UGT1A8: variants seen among roughly 807,000 people sequenced by gnomAD.
UGT1A8 encodes UDP glucuronosyltransferase family 1 member A8.
A neutral mutation model predicts 45.3 loss-of-function variants in UGT1A8; 39 were observed. That is an observed-to-expected ratio of 0.86 (90% CI 0.67 to 1.12). UGT1A8 has a LOEUF of 1.12. Among genes scored for constraint, UGT1A8 ranks in the 50% most tolerant of loss-of-function variants. The pLI is 0.00. For missense variants in UGT1A8, 719 were observed against 664.9 expected (o/e 1.08, Z -0.90); for synonymous variants, 275 against 249.2 (o/e 1.10, Z -0.97).
chr2:233,665,787 A>G (rs2074064931), intron 1 of UGT1A8, among the ~76,000 whole-genome samples: 1 of 152,208 alleles, frequency 6.6e-6, no homozygotes, highest in Non-Finnish European at 1.5e-5. Context: ...TTTTATTCTT[A>G]TGGATAAATA....
In UGT1A8 at chr2:233,685,327, C is replaced by A. The variant is rs189214969; in HGVS notation, c.855+66765C>A. Among the ~76,000 whole-genome samples the A allele has an allele frequency of 2.2e-3, 337 of 152,132 alleles. 1 individual carries two copies. The highest frequency in any genetic ancestry group is 7.9e-3 in the African/African-American group (328 of 41,508). On this transcript the variant is annotated intron_variant, in intron 1 of 4. Transcript: ENST00000373450. ...AGATTACAGGTGTGAACCACCACAC[C>A]CGGACTTAAAGTGGTTTTAATGAGA...
chr2:233,672,390 C>A (rs1268566832), intron 1 of UGT1A8: 2 of 1,614,076 alleles, frequency 1.2e-6, no homozygotes, highest in Admixed American at 3.3e-5. Context: ...CTTTTGATAA[C>A]TGTGGCTTAA....
chr2:233,672,353 G>A (rs1360230254), intron 1 of UGT1A8: 5 of 1,614,016 alleles, frequency 3.1e-6, no homozygotes, highest in South Asian at 1.1e-5. Flanking sequence ...TTAAAGGAGA[G>A]TTCTTTTGAT....
chr2:233,672,977 GA>G, intron 1 of UGT1A8, among the ~76,000 whole-genome samples: 1 of 152,202 alleles, frequency 6.6e-6, no homozygotes, highest in Non-Finnish European at 1.5e-5. Flanking sequence ...CCTTCTTGAA[GA>G]TATGTATTTA....
chr2:233,622,731 T>C (rs2125449220), intron 1 of UGT1A8, among the ~76,000 whole-genome samples: 1 of 152,352 alleles, frequency 6.6e-6, no homozygotes, highest in South Asian at 2.1e-4. Flanking sequence ...TTTGGTTTAA[T>C]TAGATCCCAT....
chr2:233,694,725 T>C (rs1230570334), intron 1 of UGT1A8, among the ~76,000 whole-genome samples: 2 of 152,186 alleles, frequency 1.3e-5, no homozygotes, highest in African/African-American at 4.8e-5. Context: ...GATTTCTCTG[T>C]TAACAATTTG....
intron 1 of UGT1A8, chr2:233,682,105 C>G (rs7577789): frequency 6.2e-7 from 1 of 1,613,960 alleles, no homozygotes; most frequent in Non-Finnish European, 8.5e-7. Flanking sequence ...ATGAGGTGGT[C>G]GTAGTCATGC....
chr2:233,749,412 T>C lies in UGT1A8; in HGVS notation c.856-17622T>C, dbSNP rs1409999979. 3.9e-5 allele frequency among the ~76,000 whole-genome samples: 6 copies of C among 151,952 alleles called. No individual in the cohort carries two copies. The East Asian group carries it at 1.2e-3, about 29-fold the overall frequency. On this transcript the variant is annotated intron_variant, in intron 1 of 4. Transcript: ENST00000373450. ...TGTGAACATATTCTCTAGTGTTAACTACATTGCTCAAAACTTCACTGTCAT... is the reference window on the plus strand; with the variant it reads ...TGTGAACATATTCTCTAGTGTTAACCACATTGCTCAAAACTTCACTGTCAT...
At chr2:233,686,517 C>T (rs949719611) in intron 1 of UGT1A8, among the ~76,000 whole-genome samples, 5 of 152,098 alleles carry the variant, frequency 3.3e-5, no homozygotes, top group Non-Finnish European at 7.4e-5. Context: ...GGAGCCTCCA[C>T]CTGCGTTAGA....
At chr2:233,738,407 A>T (rs568263428) in intron 1 of UGT1A8, among the ~76,000 whole-genome samples, 3 of 152,352 alleles carry the variant, frequency 2.0e-5, no homozygotes, top group African/African-American at 7.2e-5. Context: ...GAACTGGGTA[A>T]CAGGCAGAGG....
intron 1 of UGT1A8, among the ~76,000 whole-genome samples, chr2:233,629,684 G>C (rs1248795369): frequency 1.3e-5 from 2 of 152,122 alleles, no homozygotes; most frequent in Non-Finnish European, 2.9e-5. Context: ...GGACTAGTTT[G>C]TGAATAATTG....
intron 1 of UGT1A8, among the ~76,000 whole-genome samples, chr2:233,707,192 G>A (rs539845894): frequency 4.3e-4 from 66 of 152,052 alleles, no homozygotes; most frequent in Admixed American, 7.2e-4. Flanking sequence ...CCTGCCCTCC[G>A]TTCTATTCCC....
intron 1 of UGT1A8, among the ~76,000 whole-genome samples, chr2:233,707,312 T>C (rs1475084674): frequency 1.3e-5 from 2 of 152,156 alleles, no homozygotes; most frequent in African/African-American, 4.8e-5. Flanking sequence ...GTTTGTTACA[T>C]AGCTAAACAT....
At chr2:233,709,423 C>G (rs937009532) in intron 1 of UGT1A8, among the ~76,000 whole-genome samples, 2 of 152,056 alleles carry the variant, frequency 1.3e-5, no homozygotes, top group African/African-American at 4.8e-5. Context: ...TAAGAATGTC[C>G]TCCAGAAAGG....
At position 233,718,947 on chromosome 2, in the gene UGT1A8, A is replaced by C. The variant is rs771749966; in HGVS notation, c.856-48087A>C. On this transcript the variant is annotated intron_variant, in intron 1 of 4. Coordinates refer to ENST00000373450, the MANE Select transcript of UGT1A8 (RefSeq NM_019076.5). ...GCCCACTGATGGCAGCCCCTGGCTC[A>C]GCATGCGGGAGGCCTTGCGGGAGCT... is the stretch of plus-strand genomic sequence containing the variant. The C allele has an allele frequency of 3.1e-6, 5 of 1,613,894 alleles. No homozygotes were observed. The Admixed American group carries it at 6.7e-5, about 22-fold the overall frequency.
At position 233,705,067 on chromosome 2, in the gene UGT1A8, C is replaced by T. The variant is rs141940353; in HGVS notation, c.856-61967C>T. ...AGGAGAATTGCTTGAACCCGGGAGGCGGAGGTTGCAGAGAGCCAAGATCGT... is the reference window on the plus strand; with the variant it reads ...AGGAGAATTGCTTGAACCCGGGAGGTGGAGGTTGCAGAGAGCCAAGATCGT... On this transcript the variant is annotated intron_variant, in intron 1 of 4. Transcript: ENST00000373450. 1.6e-3 allele frequency among the ~76,000 whole-genome samples: 242 copies of T among 150,442 alleles called. 6 individuals are homozygous for T. The East Asian group carries it at 0.044, about 28-fold the overall frequency.
Position 233,719,212 on chromosome 2 carries a change from T to C in UGT1A8, c.856-47822T>C, listed in dbSNP as rs1327237440. The C allele has an allele frequency of 1.9e-6, 3 of 1,614,142 alleles. No homozygotes were observed. The African/African-American group carries it at 4.0e-5, about 22-fold the overall frequency. ...GCCCTTCATAGGTGTTGTGTGGAGC[T>C]ACTGCATAATGAGGCCCTGATCAGG... On this transcript the variant is annotated intron_variant, in intron 1 of 4. Transcript: ENST00000373450.
chr2:233,670,828 G>A lies in UGT1A8; in HGVS notation c.855+52266G>A, dbSNP rs28970010. Reference sequence around the variant, plus strand: ...AAAATCAAAAGAACTTTGAAAGACCGTCTCTTACTGGCAAGATATTACCTG... The same window carrying A: ...AAAATCAAAAGAACTTTGAAAGACCATCTCTTACTGGCAAGATATTACCTG... On this transcript the variant is annotated intron_variant, in intron 1 of 4. Transcript: ENST00000373450. 1.5e-3 allele frequency among the ~76,000 whole-genome samples: 236 copies of A among 152,270 alleles called. 4 individuals carry two copies. The East Asian group carries it at 0.042, about 27-fold the overall frequency.
intron 1 of UGT1A8, among the ~76,000 whole-genome samples, chr2:233,671,389 G>A (rs889662360): frequency 6.6e-6 from 1 of 152,204 alleles, no homozygotes; most frequent in African/African-American, 2.4e-5. Flanking sequence ...GTTTGGAAAT[G>A]GAAGAAGAGA....
Sources: gnomAD v4.1 joint callset for allele counts (sites outside exome capture counted in the v4.1 genomes callset) on GRCh38, gnomAD v4.1.1 for gene constraint, MANE v1.5 for transcripts, NCBI Gene and HGNC (gene_info 2026-07-23, HGNC 2026-07-21) for gene names.